The following RAP1GDS1 variants were observed in gnomAD, a reference collection of about 807,000 sequenced individuals.
RAP1GDS1 encodes the protein RAP1, GTP-GDP dissociation stimulator 1.
Under a neutral mutation model 71.1 loss-of-function variants are expected in RAP1GDS1, and 35 were observed. That is an observed-to-expected ratio of 0.49 (90% CI 0.38 to 0.65). The LOEUF is 0.65. Ranked by LOEUF, RAP1GDS1 falls within the 30% of genes least tolerant of loss-of-function variation. The pLI is 0.00. For missense variants in RAP1GDS1, 663 were observed against 706.1 expected (o/e 0.94, Z 0.69); for synonymous variants, 229 against 243.1 (o/e 0.94, Z 0.54).
chr4:98,341,233 T>C (rs1270807469), intron 2 of RAP1GDS1, among the ~76,000 whole-genome samples: 1 of 152,228 alleles, frequency 6.6e-6, no homozygotes. Flanking sequence ...ATCAGATTTA[T>C]GTGAAAAACC....
Position 98,303,894 on chromosome 4 carries a change from C to T in RAP1GDS1, c.112+10379C>T, listed in dbSNP as rs190575537. On this transcript the variant is annotated intron_variant, in intron 2 of 14. Transcript: ENST00000408927. ...ACAGACCCCATTGTGTGGTGTTCCC[C>T]TTCCTGTGTCCATGTGTTTTCTTTG... 3.9e-3 allele frequency among the ~76,000 whole-genome samples: 586 copies of T among 152,108 alleles called. 3 individuals carry two copies. Among genetic ancestry groups the T allele is most frequent in the Non-Finnish European group, 6.4e-3 (433 of 68,008 alleles).
intron 1 of RAP1GDS1, among the ~76,000 whole-genome samples, chr4:98,282,333 C>G (rs1578291390): frequency 6.6e-6 from 1 of 152,108 alleles, no homozygotes; most frequent in Admixed American, 6.6e-5. Flanking sequence ...CTTGTTTAGT[C>G]TTGGGAGGGT....
At chr4:98,290,004 A>C (rs1371537869) in intron 1 of RAP1GDS1, among the ~76,000 whole-genome samples, 1 of 152,014 alleles carries the variant, frequency 6.6e-6, no homozygotes, top group African/African-American at 2.4e-5. Context: ...AAATTGAGTG[A>C]CATTTGAAGT....
intron 4 of RAP1GDS1, among the ~76,000 whole-genome samples, chr4:98,361,388 CTT>C (rs1448936506): frequency 2.6e-5 from 4 of 151,674 alleles, no homozygotes; most frequent in African/African-American, 9.7e-5. Context: ...GTAAAAGTAA[CTT>C]TTATGGAAAT....
At chr4:98,335,937 A>G (rs1329840110) in intron 2 of RAP1GDS1, among the ~76,000 whole-genome samples, 1 of 152,146 alleles carries the variant, frequency 6.6e-6, no homozygotes, top group Non-Finnish European at 1.5e-5. Context: ...CCTATTAAGA[A>G]GTGACTTACT....
At chr4:98,416,364 TGAGACAGAGTCTCGCTC>T (rs1748013886) in intron 7 of RAP1GDS1, among the ~76,000 whole-genome samples, 1 of 135,416 alleles carries the variant, frequency 7.4e-6, no homozygotes, top group Non-Finnish European at 1.5e-5. Context: ...TTTTTTTTTT[TGAGACAGAGTCTCGCTC>T]TATTGCCCAG....
Position 98,306,942 on chromosome 4 carries a change from G to T in RAP1GDS1, c.112+13427G>T, listed in dbSNP as rs566214790. ...GAGAAGATTAAGGTTTCATCATTAG[G>T]TTTCATCATTAGGTATACATTGGAA... is the stretch of plus-strand genomic sequence containing the variant. On this transcript the variant is annotated intron_variant, in intron 2 of 14. Coordinates refer to ENST00000408927, the MANE Select transcript of RAP1GDS1 (RefSeq NM_001100427.2). Among the ~76,000 whole-genome samples the T allele has an allele frequency of 2.4e-4, 37 of 152,066 alleles. No homozygotes were observed. In the Middle Eastern group the frequency reaches 0.014, roughly 56 times the overall value.
intron 1 of RAP1GDS1, among the ~76,000 whole-genome samples, chr4:98,286,361 G>A (rs1052691008): frequency 1.5e-4 from 23 of 151,828 alleles, no homozygotes; most frequent in African/African-American, 5.6e-4. Context: ...GGCTCTCTCT[G>A]TGTAGAGCCT....
intron 3 of RAP1GDS1, among the ~76,000 whole-genome samples, chr4:98,349,836 G>GTT (rs576301992): frequency 6.9e-6 from 1 of 144,686 alleles, no homozygotes; most frequent in African/African-American, 2.5e-5. Flanking sequence ...AAACATCCCT[G>GTT]TTTTTTTTTT....
At chr4:98,325,524 A>C (rs971862195) in intron 2 of RAP1GDS1, among the ~76,000 whole-genome samples, 6 of 151,660 alleles carry the variant, frequency 4.0e-5, no homozygotes, top group Non-Finnish European at 1.5e-5. Flanking sequence ...AACCAACCCA[A>C]ATGTCCAACA....
chr4:98,435,205 C>T (rs1750972517), intron 13 of RAP1GDS1, among the ~76,000 whole-genome samples: 1 of 152,124 alleles, frequency 6.6e-6, no homozygotes, highest in African/African-American at 2.4e-5. Context: ...CCATAATTCT[C>T]ACACTGGGGC....
At position 98,443,022 on chromosome 4, in the gene RAP1GDS1, T is replaced by TTTC. The variant is rs1350209696; in HGVS notation, c.*907_*908insCTT. ...AGTTCATTGAAGAATGGAATTTTTT[T>TTTC]TTTTTTTTTTTTTTTTGCTGTTTTT... On this transcript the variant is annotated 3_prime_UTR_variant, in exon 15 of 15. Transcript: ENST00000408927. The TTTC allele has an allele frequency of 3.3e-4, 69 of 210,442 alleles. No individual in the cohort carries two copies. The highest frequency in any genetic ancestry group is 6.6e-4 in the African/African-American group (26 of 39,354). The allele number at this position is 210,442 out of a possible 1,614,324, so 13.0% of individuals were successfully genotyped here.
intron 2 of RAP1GDS1, among the ~76,000 whole-genome samples, chr4:98,318,224 T>C (rs971387940): frequency 6.6e-6 from 1 of 152,194 alleles, no homozygotes; most frequent in Non-Finnish European, 1.5e-5. Context: ...TCTTAATACC[T>C]TTCATTTTAA....
chr4:98,289,097 A>T (rs1378741084), intron 1 of RAP1GDS1, among the ~76,000 whole-genome samples: 2 of 152,186 alleles, frequency 1.3e-5, no homozygotes, highest in Non-Finnish European at 2.9e-5. Context: ...TATACAAGGT[A>T]GCCCTTTTTT....
rs146789619 is a variant in RAP1GDS1, at chr4:98,290,669, G to C, written c.5-2739G>C. The stretch of plus-strand genomic sequence containing the variant: ...TTGAAGGTTTTAGTGGGAAAGTATA[G>C]CTGTTTGTCTTTAACAGAGACTTTT... On this transcript the variant is annotated intron_variant, in intron 1 of 14. Coordinates refer to ENST00000408927, the MANE Select transcript of RAP1GDS1 (RefSeq NM_001100427.2). Among the ~76,000 whole-genome samples, 541 of 152,244 alleles carry C rather than the reference G, an allele frequency of 3.6e-3. 3 individuals are homozygous for C. The highest frequency in any genetic ancestry group is 0.012 in the African/African-American group (506 of 41,572).
chr4:98,296,702 G>A (rs1387822827), intron 2 of RAP1GDS1, among the ~76,000 whole-genome samples: 1 of 152,082 alleles, frequency 6.6e-6, no homozygotes, highest in Admixed American at 6.6e-5. Flanking sequence ...TTATTTGATT[G>A]TAGTATGGTT....
At chr4:98,363,146 A>G (rs1190910187) in intron 4 of RAP1GDS1, among the ~76,000 whole-genome samples, 1 of 152,144 alleles carries the variant, frequency 6.6e-6, no homozygotes, top group Non-Finnish European at 1.5e-5. Context: ...AGGTCTGGAA[A>G]ATGAGAATGA....
intron 14 of RAP1GDS1, among the ~76,000 whole-genome samples, chr4:98,438,567 C>CATATATATAT (rs36034058): frequency 1.3e-3 from 141 of 104,724 alleles, no homozygotes; most frequent in African/African-American, 5.8e-3. Context: ...TTTATTCTTC[C>CATATATATAT]ATATATATAT....
At chr4:98,288,384 G>A (rs1366782509) in intron 1 of RAP1GDS1, among the ~76,000 whole-genome samples, 1 of 152,142 alleles carries the variant, frequency 6.6e-6, no homozygotes, top group Non-Finnish European at 1.5e-5. Context: ...TGGCTGCATA[G>A]TATTCCATGG....
Sources: allele counts gnomAD v4.1 joint callset (sites outside exome capture counted in the v4.1 genomes callset), GRCh38; gene constraint gnomAD v4.1.1; transcripts MANE v1.5; gene names NCBI Gene and HGNC (gene_info 2026-07-23, HGNC 2026-07-21).